ADAMTS12: variants seen among roughly 807,000 people sequenced by gnomAD.
ADAMTS12 encodes ADAM metallopeptidase with thrombospondin type 1 motif 12, also known as A disintegrin and metalloproteinase with thrombospondin motifs 12.
A neutral mutation model predicts 167.8 loss-of-function variants in ADAMTS12; 118 were observed. The observed-to-expected ratio is 0.70, with a 90% CI of 0.61 to 0.82. ADAMTS12 has a LOEUF of 0.82. Ranked by LOEUF, ADAMTS12 falls within the 40% of genes least tolerant of loss-of-function variation. The pLI, the probability that ADAMTS12 is intolerant of heterozygous loss-of-function variation, is 0.00. For synonymous variants in ADAMTS12, 704 were observed against 716.9 expected (o/e 0.98, Z 0.29); for missense variants, 1,916 against 1,998.8 (o/e 0.96, Z 0.79).
chr5:33,652,848 C>T (rs1740915098), intron 7 of ADAMTS12, among the ~76,000 whole-genome samples: 1 of 152,100 alleles, frequency 6.6e-6, no homozygotes, highest in South Asian at 2.1e-4. Flanking sequence ...CCAATTTTGC[C>T]AGCACCATTT....
intron 20 of ADAMTS12, among the ~76,000 whole-genome samples, chr5:33,558,245 A>G (rs976063598): frequency 5.3e-5 from 8 of 152,166 alleles, no homozygotes; most frequent in Non-Finnish European, 5.9e-5. Context: ...TGCAATACCC[A>G]TAATAGTGGT....
chr5:33,734,510 C>G (rs1744300340), intron 3 of ADAMTS12, among the ~76,000 whole-genome samples: 1 of 152,192 alleles, frequency 6.6e-6, no homozygotes, highest in Non-Finnish European at 1.5e-5. Context: ...AAAATTATAA[C>G]AAGGAAGACA....
chr5:33,604,871 C>A (rs1738362236), intron 16 of ADAMTS12, among the ~76,000 whole-genome samples: 1 of 152,120 alleles, frequency 6.6e-6, no homozygotes, highest in Non-Finnish European at 1.5e-5. Flanking sequence ...ACACTCTAAT[C>A]AAACCTGTAA....
At chr5:33,760,130 T>C (rs892109618) in intron 2 of ADAMTS12, among the ~76,000 whole-genome samples, 1 of 152,194 alleles carries the variant, frequency 6.6e-6, no homozygotes, top group African/African-American at 2.4e-5. Flanking sequence ...TGGAAAGCAC[T>C]GCATTCTTCC....
chr5:33,875,344 G>A (rs1750189721), intron 2 of ADAMTS12, among the ~76,000 whole-genome samples: 2 of 152,140 alleles, frequency 1.3e-5, no homozygotes, highest in East Asian at 1.9e-4. Context: ...ATAATGATGT[G>A]TCAACATATA....
At chr5:33,756,536 CA>C (rs1745172822) in intron 2 of ADAMTS12, among the ~76,000 whole-genome samples, 1 of 152,112 alleles carries the variant, frequency 6.6e-6, no homozygotes, top group Admixed American at 6.6e-5. Flanking sequence ...AAGTATAAGT[CA>C]AGAGATTATA....
At chr5:33,706,836 C>T (rs1404855013) in intron 3 of ADAMTS12, among the ~76,000 whole-genome samples, 2 of 152,160 alleles carry the variant, frequency 1.3e-5, no homozygotes, top group African/African-American at 4.8e-5. Flanking sequence ...GACAAACCCA[C>T]AGCCAATATC....
Position 33,891,954 on chromosome 5 carries a change from G to GC in ADAMTS12, c.-99dup. On this transcript the variant is annotated 5_prime_UTR_variant, in exon 1 of 24. The change abolishes the stop of an existing upstream ORF in the 5' untranslated region. Coordinates refer to ENST00000504830, the MANE Select transcript of ADAMTS12 (RefSeq NM_030955.4). ...TGGCCCAGCAGGAAGATGCAGGGGT[G>GC]CATGGTCAGGCGCGAGAAGGCAGCG... The GC allele has an allele frequency of 1.4e-6, 2 of 1,466,502 alleles. No individual in the cohort carries two copies. The highest frequency in any genetic ancestry group is 1.8e-6 in the Non-Finnish European group (2 of 1,090,794). The allele number at this position is 1,466,502 out of a possible 1,614,324, so 90.8% of individuals were successfully genotyped here.
chr5:33,852,025 G>A (rs1171322260), intron 2 of ADAMTS12, among the ~76,000 whole-genome samples: 2 of 152,214 alleles, frequency 1.3e-5, no homozygotes, highest in African/African-American at 2.4e-5. Flanking sequence ...GAAAAGATAA[G>A]AGACCACTGA....
intron 3 of ADAMTS12, among the ~76,000 whole-genome samples, chr5:33,740,760 C>T (rs557778739): frequency 3.3e-5 from 5 of 152,058 alleles, no homozygotes; most frequent in Middle Eastern, 3.2e-3. Context: ...ACAGTGGTAG[C>T]GGGATTGGAG....
At chr5:33,605,041 A>G (rs1738368414) in intron 16 of ADAMTS12, among the ~76,000 whole-genome samples, 1 of 152,248 alleles carries the variant, frequency 6.6e-6, no homozygotes, top group Admixed American at 6.5e-5. Context: ...TTAGACATAT[A>G]TAAAAATAAA....
intron 2 of ADAMTS12, among the ~76,000 whole-genome samples, chr5:33,781,817 G>C (rs1746139275): frequency 6.6e-6 from 1 of 151,888 alleles, no homozygotes; most frequent in Non-Finnish European, 1.5e-5. Context: ...TTTAGCATTA[G>C]GTATATCTCC....
Position 33,561,052 on chromosome 5 carries a change from C to A in ADAMTS12, c.4100G>T (p.Gly1367Val). 1 of 1,614,158 alleles carries A rather than the reference C, an allele frequency of 6.2e-7. No individual in the cohort carries two copies. The highest frequency in any genetic ancestry group is 8.5e-7 in the Non-Finnish European group (1 of 1,180,008). Residue 1367 changes from glycine (G) to valine (V), a missense_variant, in exon 20 of 24, where the codon GGC becomes GTC. Transcript: ENST00000504830. Reference sequence around the variant, plus strand: ...CTTGCTCCAGTTTCCCACTTTCCAGCCAGCACAGGGACGGAGGTGGCATCT... The same window carrying A: ...CTTGCTCCAGTTTCCCACTTTCCAGACAGCACAGGGACGGAGGTGGCATCT... Reference protein sequence around the residue: ...AKRCHLRPCAGWKVGNWSKCS... With the variant: ...AKRCHLRPCAVWKVGNWSKCS...
At chr5:33,659,344 C>A (rs1229294646) in intron 6 of ADAMTS12, among the ~76,000 whole-genome samples, 2 of 152,122 alleles carry the variant, frequency 1.3e-5, no homozygotes, top group South Asian at 4.1e-4. Flanking sequence ...TACTGGAGAG[C>A]GAGATTATAC....
chr5:33,826,789 A>T (rs1233179055), intron 2 of ADAMTS12, among the ~76,000 whole-genome samples: 2 of 152,274 alleles, frequency 1.3e-5, no homozygotes, highest in Non-Finnish European at 2.9e-5. Context: ...ATAAAAATAA[A>T]CAGTTAAGTA....
In ADAMTS12 at chr5:33,572,807, T is replaced by C. The variant is rs1224936727; in HGVS notation, c.3972+3247A>G. 4.2e-5 allele frequency among the ~76,000 whole-genome samples: 6 copies of C among 144,430 alleles called. No homozygotes were observed. The East Asian group carries it at 1.2e-3, about 29-fold the overall frequency. 94.8% of individuals were successfully genotyped at this position (144,430 alleles called of 152,430 possible). Reference sequence around the variant, plus strand: ...TCAATTAGGAAAAGAGGAAGTCAAATTGTCCCTGTTTGCAGACGACATGAT... The same window carrying C: ...TCAATTAGGAAAAGAGGAAGTCAAACTGTCCCTGTTTGCAGACGACATGAT... On this transcript the variant is annotated intron_variant, in intron 19 of 23. Coordinates refer to ENST00000504830, the MANE Select transcript of ADAMTS12 (RefSeq NM_030955.4).
rs1247824720 is a variant in ADAMTS12 at position 33,847,918 on chromosome 5, A to G, written c.489+33201T>C. Among the ~76,000 whole-genome samples the G allele has an allele frequency of 2.6e-5, 4 of 152,136 alleles. 1 individual carries two copies. The highest frequency in any genetic ancestry group is 2.6e-4 in the Admixed American group (4 of 15,272). ...TCCAAGGATATCCTCTCCCTTCCAT[A>G]AAGAGTGAAACAATGGCCAGGTGCA... On this transcript the variant is annotated intron_variant, in intron 2 of 23. Transcript: ENST00000504830.
chr5:33,598,804 A>G (rs1423535), intron 16 of ADAMTS12, among the ~76,000 whole-genome samples: 51,531 of 152,142 alleles, frequency 0.34, 8,787 homozygotes, highest in African/African-American at 0.36. Flanking sequence ...GCTCTTCTAC[A>G]ACATGACCTT....
chr5:33,633,686 G>T (rs1740062416), intron 12 of ADAMTS12, among the ~76,000 whole-genome samples: 1 of 152,050 alleles, frequency 6.6e-6, no homozygotes, highest in Admixed American at 6.6e-5. Context: ...TCATTAAGTT[G>T]TCCTGTGGCA....
Sources: gnomAD v4.1 joint callset for allele counts (sites outside exome capture counted in the v4.1 genomes callset) on GRCh38, gnomAD v4.1.1 for gene constraint, MANE v1.5 for transcripts, NCBI Gene and HGNC (gene_info 2026-07-23, HGNC 2026-07-21) for gene names.